Variants in GPM6A observed in about 807,000 individuals in gnomAD.
GPM6A encodes the protein neuronal membrane glycoprotein M6-a.
GPM6A carries 7 observed loss-of-function variants against 32.1 expected under a neutral mutation model. The ratio of observed to expected loss-of-function variants is 0.22; its 90% CI spans 0.12 to 0.41. The LOEUF (loss-of-function observed/expected upper bound fraction) is 0.41. Among genes scored for constraint, GPM6A ranks in the 10% least tolerant of loss-of-function variants. The pLI is 1.00. For synonymous variants in GPM6A, 130 were observed against 123.4 expected (o/e 1.05, Z -0.35); for missense variants, 235 against 347.2 (o/e 0.68, Z 2.57).
chr4:175,784,445 T>C (rs555220536), intron 1 of GPM6A, among the ~76,000 whole-genome samples: 2 of 152,274 alleles, frequency 1.3e-5, no homozygotes, highest in Non-Finnish European at 2.9e-5. Flanking sequence ...GAGATTATTA[T>C]ATCTATGTTA....
chr4:175,670,669 TG>T (rs1233318764), intron 3 of GPM6A, among the ~76,000 whole-genome samples: 1 of 152,112 alleles, frequency 6.6e-6, no homozygotes, highest in Non-Finnish European at 1.5e-5. Flanking sequence ...AATTTAATAT[TG>T]TGGTTTTACG....
chr4:175,766,537 A>G (rs899729834), intron 1 of GPM6A, among the ~76,000 whole-genome samples: 24 of 152,132 alleles, frequency 1.6e-4, no homozygotes, highest in African/African-American at 4.8e-4. Context: ...CCTTTGATAT[A>G]TTAACTTATA....
chr4:175,644,899 G>T (rs35720409), intron 4 of GPM6A, among the ~76,000 whole-genome samples: 21 of 151,988 alleles, frequency 1.4e-4, no homozygotes, highest in Non-Finnish European at 2.5e-4. Flanking sequence ...CTGAGGTCAG[G>T]AGTTCAAGAC....
intron 2 of GPM6A, among the ~76,000 whole-genome samples, chr4:175,682,162 A>AT (rs1743724617): frequency 6.6e-6 from 1 of 152,166 alleles, no homozygotes; most frequent in Non-Finnish European, 1.5e-5. Context: ...ACTTGGCTGC[A>AT]TTTTGTCCAT....
At chr4:175,753,674 A>G in intron 1 of GPM6A, among the ~76,000 whole-genome samples, 1 of 152,166 alleles carries the variant, frequency 6.6e-6, no homozygotes, top group East Asian at 1.9e-4. Flanking sequence ...CTCATATTTT[A>G]AACTAACAGC....
chr4:175,764,215 T>A (rs996648132), intron 1 of GPM6A, among the ~76,000 whole-genome samples: 2 of 152,236 alleles, frequency 1.3e-5, no homozygotes, highest in African/African-American at 2.4e-5. Flanking sequence ...ATCTGCTTTA[T>A]CTCTAAGGAT....
intron 1 of GPM6A, among the ~76,000 whole-genome samples, chr4:175,888,202 G>A (rs540426954): frequency 6.6e-6 from 1 of 151,988 alleles, no homozygotes; most frequent in South Asian, 2.1e-4. Flanking sequence ...ACAGATTTAA[G>A]ACAAAAATTT....
chr4:175,636,488 A>G (rs1740622040), intron 6 of GPM6A, among the ~76,000 whole-genome samples: 1 of 151,108 alleles, frequency 6.6e-6, no homozygotes, highest in Admixed American at 6.6e-5. Flanking sequence ...GTGGCCCCCA[A>G]ATTATTATTA....
intron 1 of GPM6A, among the ~76,000 whole-genome samples, chr4:175,948,436 T>G (rs1253958836): frequency 6.6e-6 from 1 of 152,202 alleles, no homozygotes; most frequent in East Asian, 1.9e-4. Flanking sequence ...GCTCACACCC[T>G]GGTTTTGGAC....
intron 1 of GPM6A, among the ~76,000 whole-genome samples, chr4:175,932,713 A>G (rs1195793336): frequency 6.6e-6 from 1 of 152,160 alleles, no homozygotes; most frequent in Non-Finnish European, 1.5e-5. Flanking sequence ...ATAGAAGAAC[A>G]CTGTTTTATG....
chr4:175,916,644 T>A (rs1045229049), intron 1 of GPM6A, among the ~76,000 whole-genome samples: 1 of 152,182 alleles, frequency 6.6e-6, no homozygotes, highest in Non-Finnish European at 1.5e-5. Context: ...GAGGCTGGCC[T>A]GAAGAGTGTA....
At chr4:175,952,363 C>A (rs1215849563) in intron 1 of GPM6A, among the ~76,000 whole-genome samples, 1 of 152,182 alleles carries the variant, frequency 6.6e-6, no homozygotes, top group African/African-American at 2.4e-5. Flanking sequence ...GAGTTCTAAG[C>A]TGCATAATGG....
chr4:175,883,899 A>G (rs570167513), intron 1 of GPM6A, among the ~76,000 whole-genome samples: 1 of 152,226 alleles, frequency 6.6e-6, no homozygotes, highest in African/African-American at 2.4e-5. Context: ...TTTTACAACC[A>G]ATTTGCATAA....
chr4:175,839,165 C>A (rs1388059007), intron 1 of GPM6A, among the ~76,000 whole-genome samples: 1 of 152,070 alleles, frequency 6.6e-6, no homozygotes, highest in East Asian at 1.9e-4. Flanking sequence ...TCAAGACAGC[C>A]ATTTTGAAAA....
At chr4:175,664,486 A>T (rs190461122) in intron 3 of GPM6A, among the ~76,000 whole-genome samples, 1 of 152,346 alleles carries the variant, frequency 6.6e-6, no homozygotes, top group African/African-American at 2.4e-5. Context: ...TATTGCTGCC[A>T]ATTTAAAATT....
chr4:175,977,920 G>T lies in GPM6A; in HGVS notation c.-23+24389C>A, dbSNP rs576683875. On this transcript the variant is annotated intron_variant, in intron 1 of 7. Transcript: ENST00000280187. ...CACTTCTGCTCAGTAGTCTCCCTTC[G>T]CATGCGCACCACTTAACCCTCCAAA... is the stretch of plus-strand genomic sequence containing the variant. Among the ~76,000 whole-genome samples, 64 of 152,184 alleles carry T rather than the reference G, an allele frequency of 4.2e-4. 1 individual carries two copies. The highest frequency in any genetic ancestry group is 6.0e-4 in the African/African-American group (25 of 41,520).
chr4:175,832,891 G>A (rs1231410206), intron 1 of GPM6A, among the ~76,000 whole-genome samples: 3 of 152,130 alleles, frequency 2.0e-5, no homozygotes, highest in African/African-American at 4.8e-5. Context: ...CAAGAATGCC[G>A]GTTCCCAAAG....
At chr4:175,760,972 G>A (rs554480975) in intron 1 of GPM6A, among the ~76,000 whole-genome samples, 38 of 152,160 alleles carry the variant, frequency 2.5e-4, no homozygotes, top group Admixed American at 6.5e-4. Context: ...TGGTATTAAG[G>A]CCTTTTTATT....
chr4:176,000,592 A>T (rs1402195622), intron 1 of GPM6A, among the ~76,000 whole-genome samples: 1 of 152,202 alleles, frequency 6.6e-6, no homozygotes, highest in African/African-American at 2.4e-5. Flanking sequence ...CTTTCTAGAC[A>T]TTTTATTATG....
Sources: allele counts gnomAD v4.1 joint callset (sites outside exome capture counted in the v4.1 genomes callset), GRCh38; gene constraint gnomAD v4.1.1; transcripts MANE v1.5; gene names NCBI Gene and HGNC (gene_info 2026-07-23, HGNC 2026-07-21).